Variants in PIN1 observed in about 807,000 individuals in gnomAD.
PIN1 encodes the protein peptidyl-prolyl cis-trans isomerase NIMA-interacting 1.
PIN1 carries 8 observed loss-of-function variants against 19.9 expected under a neutral mutation model. The ratio of observed to expected loss-of-function variants is 0.40; its 90% CI spans 0.24 to 0.72. The LOEUF (loss-of-function observed/expected upper bound fraction) is 0.72. PIN1 is among the 30% of genes least tolerant of loss of function. The pLI is 0.37. For missense variants in PIN1, 185 were observed against 226.5 expected (o/e 0.82, Z 1.18); for synonymous variants, 86 against 90.8 (o/e 0.95, Z 0.30).
At chr19:9,844,666 C>T (rs2046201668) in intron 2 of PIN1, among the ~76,000 whole-genome samples, 1 of 152,150 alleles carries the variant, frequency 6.6e-6, no homozygotes, top group Non-Finnish European at 1.5e-5. Context: ...ACCCGACAGT[C>T]CCCATCAAAT....
intron 2 of PIN1, among the ~76,000 whole-genome samples, chr19:9,844,536 G>T (rs887762154): frequency 1.2e-4 from 18 of 152,176 alleles, no homozygotes; most frequent in African/African-American, 4.3e-4. Context: ...ATTTCAGGGG[G>T]TCCTGAACAC....
rs771519886 is a variant in PIN1 at position 9,849,290 on chromosome 19, C to A, written c.*91C>A. 1.4e-5 allele frequency: 11 copies of A among 794,972 alleles called. No individual in the cohort carries two copies. Among genetic ancestry groups the A allele is most frequent in the African/African-American group, 1.2e-4 (7 of 59,004 alleles). The allele number at this position is 794,972 out of a possible 1,614,324, so 49.2% of individuals were successfully genotyped here. ...CCCGCCAGCCAGTGGCCGAACCCCC[C>A]ACTCCCTGCCACCGTCACACAGTAT... is the stretch of plus-strand genomic sequence containing the variant. On this transcript the variant is annotated 3_prime_UTR_variant, in exon 4 of 4. Transcript: ENST00000247970.
chr19:9,843,965 G>A (rs1599452740), intron 2 of PIN1, among the ~76,000 whole-genome samples: 1 of 151,996 alleles, frequency 6.6e-6, no homozygotes, highest in Non-Finnish European at 1.5e-5. Flanking sequence ...CAGGAGGATC[G>A]CTGGAACCTG....
intron 2 of PIN1, among the ~76,000 whole-genome samples, chr19:9,841,322 C>A (rs1177248692): frequency 6.6e-6 from 1 of 152,222 alleles, no homozygotes; most frequent in Non-Finnish European, 1.5e-5. Context: ...CTCTCTCTTT[C>A]CCCTGTATTC....
At chr19:9,847,960 C>T (rs1265191129) in intron 2 of PIN1, 70 bp from the exon 3 acceptor site, 1 of 950,880 alleles carries the variant, frequency 1.1e-6, no homozygotes, top group Non-Finnish European at 1.7e-6. Context: ...GCTCTGGAGT[C>T]CTCCATCCTG....
In PIN1 at chr19:9,838,728, C is replaced by T; in HGVS notation, c.271+80C>T. The T allele has an allele frequency of 8.5e-7, 1 of 1,182,372 alleles. No homozygotes were observed. The highest frequency in any genetic ancestry group is 1.2e-6 in the Non-Finnish European group (1 of 839,092). 73.2% of individuals were successfully genotyped at this position (1,182,372 alleles called of 1,614,324 possible). A position where few individuals can be genotyped will look rare whatever the true frequency, so the allele number is the denominator to read the frequency against. The stretch of plus-strand genomic sequence containing the variant: ...TGTAGAAGTCACATCAGACCCTTCA[C>T]CCCAGCTTGCTCAGCTGCCAGGCGT... On this transcript the variant is annotated intron_variant, in intron 2 of 3. Transcript: ENST00000247970. The surrounding 1 kb of genome is among the most constrained non-coding windows in gnomAD (Gnocchi z 5.8).
At chr19:9,840,848 C>T (rs1467642175) in intron 2 of PIN1, among the ~76,000 whole-genome samples, 2 of 152,184 alleles carry the variant, frequency 1.3e-5, no homozygotes, top group Non-Finnish European at 2.9e-5. Flanking sequence ...CCTTCCACCT[C>T]AGCCTCCCGA....
intron 2 of PIN1, among the ~76,000 whole-genome samples, chr19:9,843,620 T>A (rs1481474314): frequency 6.6e-6 from 1 of 152,222 alleles, no homozygotes; most frequent in Non-Finnish European, 1.5e-5. Context: ...CCAGGTTCCC[T>A]CAGATTCTGT....
chr19:9,837,005 T>A (rs1568357893), intron 1 of PIN1: 1 of 484,632 alleles, frequency 2.1e-6, no homozygotes, highest in Non-Finnish European at 3.8e-6. Flanking sequence ...ATTATTATTT[T>A]TGGAGATGGT....
At position 9,839,772 on chromosome 19, in the gene PIN1, G is replaced by A. The variant is rs1025014766; in HGVS notation, c.271+1124G>A. ...TTTGGCTGCCACTCCCACCCTGTGC[G>A]GGAGGATCACTTGAGCCCAGGAGTT... On this transcript the variant is annotated intron_variant, in intron 2 of 3. Coordinates refer to ENST00000247970, the MANE Select transcript of PIN1 (RefSeq NM_006221.4). 3.3e-4 allele frequency among the ~76,000 whole-genome samples: 51 copies of A among 152,300 alleles called. 1 individual carries two copies. The highest frequency in any genetic ancestry group is 2.7e-3 in the Admixed American group (42 of 15,288).
At chr19:9,848,403 G>A in intron 3 of PIN1, 1 of 491,878 alleles carries the variant, frequency 2.0e-6, no homozygotes. Flanking sequence ...GTGCACAGAT[G>A]TCCTCATCCC....
In PIN1 at chr19:9,846,228, G is replaced by A. The variant is rs1483426460; in HGVS notation, c.272-1802G>A. Among the ~76,000 whole-genome samples, 1 of 152,220 alleles carries A rather than the reference G, an allele frequency of 6.6e-6. No individual in the cohort carries two copies. The highest frequency in any genetic ancestry group is 1.5e-5 in the Non-Finnish European group (1 of 68,038). On this transcript the variant is annotated intron_variant, in intron 2 of 3. Transcript: ENST00000247970. The surrounding 1 kb of genome is among the most constrained non-coding windows in gnomAD (Gnocchi z 5.9). ...ATGTGCCATCCCAACAGAAGCTGGGGCCCTGTATGGCATCGATGTCCCTGT... is the reference window on the plus strand; with the variant it reads ...ATGTGCCATCCCAACAGAAGCTGGGACCCTGTATGGCATCGATGTCCCTGT...
At chr19:9,841,862 C>T (rs1386993195) in intron 2 of PIN1, among the ~76,000 whole-genome samples, 6 of 152,162 alleles carry the variant, frequency 3.9e-5, no homozygotes, top group African/African-American at 1.4e-4. Flanking sequence ...GATGGAGCGG[C>T]ATGAAGTGGG....
chr19:9,835,812 T>G, intron 1 of PIN1: 2 of 209,990 alleles, frequency 9.5e-6, no homozygotes, highest in Middle Eastern at 1.6e-3. Context: ...GTCCACAACC[T>G]ACCCCTGCTA....
At chr19:9,840,115 G>A (rs191371852) in intron 2 of PIN1, among the ~76,000 whole-genome samples, 7 of 152,350 alleles carry the variant, frequency 4.6e-5, no homozygotes, top group Non-Finnish European at 7.3e-5. Context: ...TTGGCCGGGC[G>A]CGGTGGCTCA....
intron 2 of PIN1, among the ~76,000 whole-genome samples, chr19:9,845,093 A>G (rs2046206311): frequency 6.6e-6 from 1 of 152,284 alleles, no homozygotes; most frequent in East Asian, 1.9e-4. Flanking sequence ...GATGAGTTTC[A>G]GGCAGGACAA....
chr19:9,849,573 G>T lies in PIN1; in HGVS notation c.*374G>T. 1.8e-6 allele frequency: 1 copy of T among 564,880 alleles called. No homozygotes were observed. Among genetic ancestry groups the T allele is most frequent in the African/African-American group, 1.9e-5 (1 of 53,852 alleles). The allele number at this position is 564,880 out of a possible 1,614,324, so 35.0% of individuals were successfully genotyped here. On this transcript the variant is annotated 3_prime_UTR_variant, in exon 4 of 4. Transcript: ENST00000247970. ...TCGAGGGCCGAATTGTTTCTAGTTAGGCCACGCTCCTCTGTTCAGTCGCAA... is the reference window on the plus strand; with the variant it reads ...TCGAGGGCCGAATTGTTTCTAGTTATGCCACGCTCCTCTGTTCAGTCGCAA...
intron 1 of PIN1, chr19:9,837,034 C>T (rs1599447649): frequency 2.4e-6 from 1 of 418,834 alleles, no homozygotes; most frequent in East Asian, 7.2e-5. Flanking sequence ...GTGGCTCAGG[C>T]TGCAGTGCAG....
Position 9,838,526 on chromosome 19 carries a change from G to C in PIN1, c.149G>C (p.Gly50Ala), listed in dbSNP as rs1428635486. Reference sequence around the variant, plus strand: ...AGCAGTGGTGGCAAAAACGGGCAGGGGGAGCCTGCCAGGGTCCGCTGCTCG... The same window carrying C: ...AGCAGTGGTGGCAAAAACGGGCAGGCGGAGCCTGCCAGGGTCCGCTGCTCG... ...NSSSGGKNGQ[G>A]EPARVRCSHL... The change falls in exon 2 of 4, where the codon GGG becomes GCG. Residue 50 changes from glycine (G) to alanine (A), a missense_variant. Coordinates refer to ENST00000247970, the MANE Select transcript of PIN1 (RefSeq NM_006221.4). The surrounding 1 kb of genome is among the most constrained non-coding windows in gnomAD (Gnocchi z 5.8). The C allele has an allele frequency of 3.1e-6, 5 of 1,599,878 alleles. No homozygotes were observed. Among genetic ancestry groups the C allele is most frequent in the Non-Finnish European group, 4.3e-6 (5 of 1,174,688 alleles).
Sources: allele counts gnomAD v4.1 joint callset (sites outside exome capture counted in the v4.1 genomes callset), GRCh38; gene constraint gnomAD v4.1.1; non-coding constraint Gnocchi (gnomAD v3.1); transcripts MANE v1.5; gene names NCBI Gene and HGNC (gene_info 2026-07-23, HGNC 2026-07-21).